SNRNP40: variants seen among roughly 807,000 people sequenced by gnomAD.
SNRNP40 encodes the protein small nuclear ribonucleoprotein U5 subunit 40, also known as U5 small nuclear ribonucleoprotein 40 kDa protein.
A neutral mutation model predicts 45.8 loss-of-function variants in SNRNP40; 21 were observed. The ratio of observed to expected loss-of-function variants is 0.46; its 90% CI spans 0.32 to 0.66. SNRNP40 has a LOEUF of 0.66. Among genes scored for constraint, SNRNP40 ranks in the 30% least tolerant of loss-of-function variants. The pLI is 0.03. For missense variants in SNRNP40, 344 were observed against 439.1 expected, an observed-to-expected ratio of 0.78 and a Z score of 1.94; for synonymous variants, 142 against 163.8, an observed-to-expected ratio of 0.87 and a Z score of 1.01.
At chr1:31,293,583 C>G (rs952089105) in intron 1 of SNRNP40, among the ~76,000 whole-genome samples, 2 of 152,040 alleles carry the variant, frequency 1.3e-5, no homozygotes, top group African/African-American at 4.8e-5. Flanking sequence ...TCTTGTTGTA[C>G]GACCAACTTT....
At chr1:31,261,494 C>T in intron 9 of SNRNP40, 35 bp downstream of exon 9, 1 of 1,399,598 alleles carries the variant, frequency 7.1e-7, no homozygotes, top group Non-Finnish European at 1.0e-6. Flanking sequence ...GGGAGATTTC[C>T]AGTTTCCCTT....
chr1:31,279,053 A>C (rs1192325781), intron 5 of SNRNP40, among the ~76,000 whole-genome samples: 1 of 152,048 alleles, frequency 6.6e-6, no homozygotes, highest in East Asian at 1.9e-4. Flanking sequence ...AAAAAACAAA[A>C]AAAAAAACCA....
At position 31,289,338 on chromosome 1, in the gene SNRNP40, T is replaced by C. The variant is rs745444280; in HGVS notation, c.447A>G (p.Gly149=). 2.9e-5 allele frequency: 47 copies of C among 1,614,036 alleles called. No homozygotes were observed. The highest frequency in any genetic ancestry group is 4.0e-5 in the Non-Finnish European group (47 of 1,179,872). Residue 149 remains glycine, a synonymous_variant, in exon 4 of 10, where the codon GGA becomes GGG. Coordinates refer to ENST00000263694, the MANE Select transcript of SNRNP40 (RefSeq NM_004814.3). Reference sequence around the variant, plus strand: ...AACAGGAATTCACAAAGGAAGTATGTCCCTTTAGCCTTTTAACCCTCTCAC... The same window carrying C: ...AACAGGAATTCACAAAGGAAGTATGCCCCTTTAGCCTTTTAACCCTCTCAC... The part of the protein sequence containing the change: ...ETGERVKRLK[G]HTSFVNSCYP...
chr1:31,290,074 C>A (rs1267185283), intron 3 of SNRNP40, among the ~76,000 whole-genome samples: 3 of 152,186 alleles, frequency 2.0e-5, no homozygotes, highest in Non-Finnish European at 4.4e-5. Flanking sequence ...GTTGCCCAGG[C>A]TGGTCTTGAA....
chr1:31,287,818 T>C (rs7517820), intron 4 of SNRNP40, among the ~76,000 whole-genome samples: 18,090 of 152,142 alleles, frequency 0.12, 1,205 homozygotes, highest in Non-Finnish European at 0.14. Flanking sequence ...GCCAATATGA[T>C]GAACCCCTGC....
intron 3 of SNRNP40, 118 bp downstream of exon 3, chr1:31,291,788 GATACTAA>G (rs1646109506): frequency 1.5e-6 from 1 of 649,940 alleles, no homozygotes; most frequent in African/African-American, 1.8e-5. Flanking sequence ...TGATAAATCG[GATACTAA>G]AGTAGCTACC....
At chr1:31,282,558 GCTATCTATCTATCTAT>G (rs58140918) in intron 4 of SNRNP40, 4,198 of 140,864 alleles carry the variant, frequency 0.03, 69 homozygotes, top group Non-Finnish European at 0.036. Flanking sequence ...TGTCGCCTAG[GCTATCTATCTATCTAT>G]CTATCTATCT....
At chr1:31,281,285 C>CAA in intron 5 of SNRNP40, 89 bp downstream of exon 5, 1 of 1,150,952 alleles carries the variant, frequency 8.7e-7, no homozygotes, top group Non-Finnish European at 1.2e-6. Flanking sequence ...GTATTAAGTG[C>CAA]AAAGCTACCA....
rs201492998 is a variant in SNRNP40 at position 31,291,947 on chromosome 1, C to A, written c.331G>T (p.Ala111Ser). ...NYATLKGHSG[A>S]VMELHYNTDG... ...GTGTTGTAATGCAATTCCATCACTGCTCCACTGTGTCCCTTCAGTGTGGCA... is the reference window on the plus strand; with the variant it reads ...GTGTTGTAATGCAATTCCATCACTGATCCACTGTGTCCCTTCAGTGTGGCA... The change falls in exon 3 of 10, where the codon GCA (alanine) becomes TCA (serine). Residue 111 changes from alanine to serine, a missense_variant. Physicochemically the swap from Ala to Ser is moderately conservative, Grantham distance 99. Transcript: ENST00000263694. 8 of 1,613,266 alleles carry A rather than the reference C, an allele frequency of 5.0e-6. No homozygotes were observed. Among genetic ancestry groups the A allele is most frequent in the Non-Finnish European group, 6.8e-6 (8 of 1,179,282 alleles).
intron 8 of SNRNP40, chr1:31,263,800 T>C (rs1302735636): frequency 9.1e-6 from 2 of 219,594 alleles, no homozygotes; most frequent in Non-Finnish European, 1.8e-5. Flanking sequence ...GGTTCCTATG[T>C]TCCTGACCAC....
At chr1:31,293,048 G>T in intron 2 of SNRNP40, 171 bp downstream of exon 2, 1 of 658,318 alleles carries the variant, frequency 1.5e-6, no homozygotes, top group Non-Finnish European at 2.6e-6. Context: ...TGGACTCCAA[G>T]TTCTACACCC....
intron 5 of SNRNP40, among the ~76,000 whole-genome samples, chr1:31,273,759 G>T (rs1037885709): frequency 6.6e-5 from 10 of 152,196 alleles, no homozygotes; most frequent in African/African-American, 2.4e-4. Context: ...ATTAAAAAAA[G>T]ACATGGCCCT....
At chr1:31,285,595 A>ACATAACC (rs1266540963) in intron 4 of SNRNP40, among the ~76,000 whole-genome samples, 1 of 152,142 alleles carries the variant, frequency 6.6e-6, no homozygotes, top group Non-Finnish European at 1.5e-5. Context: ...CATCATCTCA[A>ACATAACC]CATAACCATC....
intron 4 of SNRNP40, among the ~76,000 whole-genome samples, chr1:31,286,165 TACAC>T (rs36080060): frequency 4.7e-5 from 7 of 150,498 alleles, no homozygotes; most frequent in African/African-American, 1.2e-4. Flanking sequence ...TACATTTAGG[TACAC>T]ACACACACAC....
chr1:31,263,596 G>C, intron 8 of SNRNP40: 2 of 463,492 alleles, frequency 4.3e-6, no homozygotes, highest in South Asian at 3.2e-5. Flanking sequence ...AGGGCAAGTT[G>C]AGTGAACTGC....
intron 5 of SNRNP40, among the ~76,000 whole-genome samples, chr1:31,280,147 G>A (rs1444867914): frequency 1.4e-5 from 2 of 139,402 alleles, no homozygotes; most frequent in Non-Finnish European, 3.1e-5. Context: ...ACTACCTTTA[G>A]ACAAAAGCAA....
intron 1 of SNRNP40, among the ~76,000 whole-genome samples, chr1:31,294,810 C>T (rs1456032591): frequency 2.6e-5 from 4 of 151,498 alleles, no homozygotes; most frequent in Non-Finnish European, 2.9e-5. Context: ...GGCATGGTGG[C>T]GGGCGCCTGT....
chr1:31,277,119 C>T (rs2148385171), intron 5 of SNRNP40, among the ~76,000 whole-genome samples: 1 of 152,224 alleles, frequency 6.6e-6, no homozygotes, highest in East Asian at 1.9e-4. Context: ...ATTGCTTGAG[C>T]CCAGAAGGTC....
chr1:31,295,356 A>G (rs1410036874), intron 1 of SNRNP40, among the ~76,000 whole-genome samples: 1 of 151,790 alleles, frequency 6.6e-6, no homozygotes, highest in East Asian at 1.9e-4. Context: ...AAAACAAAAA[A>G]AGAGAGAGAG....
Sources: gnomAD v4.1 joint callset for allele counts (sites outside exome capture counted in the v4.1 genomes callset) on GRCh38, gnomAD v4.1.1 for gene constraint, MANE v1.5 for transcripts, NCBI Gene and HGNC (gene_info 2026-07-23, HGNC 2026-07-21) for gene names.